The following LAMP3 variants were observed in gnomAD, a reference collection of about 807,000 sequenced individuals.
LAMP3 encodes the protein lysosome associated membrane protein 3.
A neutral mutation model predicts 34.8 loss-of-function variants in LAMP3; 26 were observed. The observed-to-expected ratio is 0.75, with a 90% CI of 0.55 to 1.04. The LOEUF is 1.04. Among genes scored for constraint, LAMP3 ranks in the 50% least tolerant of loss-of-function variants. LAMP3 has a pLI of 0.00. For synonymous variants in LAMP3, 180 were observed against 201.9 expected (o/e 0.89, Z 0.92); for missense variants, 495 against 524.0 (o/e 0.94, Z 0.54).
At chr3:183,139,192 C>A (rs1462919594) in intron 4 of LAMP3, among the ~76,000 whole-genome samples, 2 of 152,078 alleles carry the variant, frequency 1.3e-5, no homozygotes, top group African/African-American at 2.4e-5. Context: ...GTGTTTGAAA[C>A]CAGCCTGACC....
chr3:183,134,469 A>G (rs1442171100), intron 5 of LAMP3, among the ~76,000 whole-genome samples: 1 of 152,210 alleles, frequency 6.6e-6, no homozygotes, highest in Non-Finnish European at 1.5e-5. Context: ...CTGAAGGGGA[A>G]GAAGAGCAAG....
chr3:183,148,180 T>G (rs527469150), intron 3 of LAMP3, among the ~76,000 whole-genome samples: 1 of 152,184 alleles, frequency 6.6e-6, no homozygotes, highest in South Asian at 2.1e-4. Context: ...CAAAATGGAT[T>G]AAGGACTTAA....
At chr3:183,152,149 C>A (rs1236191153) in intron 3 of LAMP3, among the ~76,000 whole-genome samples, 1 of 152,200 alleles carries the variant, frequency 6.6e-6, no homozygotes, top group Non-Finnish European at 1.5e-5. Flanking sequence ...GAGGTCAAGT[C>A]TCCCATAAGA....
At chr3:183,129,948 T>C (rs1485592464) in intron 5 of LAMP3, among the ~76,000 whole-genome samples, 1 of 152,074 alleles carries the variant, frequency 6.6e-6, no homozygotes, top group Non-Finnish European at 1.5e-5. Flanking sequence ...GACATATGGA[T>C]ACAGACAGGT....
intron 1 of LAMP3, among the ~76,000 whole-genome samples, chr3:183,156,579 A>C (rs1329292681): frequency 6.6e-6 from 1 of 152,162 alleles, no homozygotes; most frequent in Non-Finnish European, 1.5e-5. Context: ...CAGTAAAAAT[A>C]ATTCATATAT....
chr3:183,154,247 GC>G lies in LAMP3; in HGVS notation c.193del (p.Ala65GlnfsTer17). On this transcript the variant is annotated frameshift_variant, in exon 2 of 6. Coordinates refer to ENST00000265598, the MANE Select transcript of LAMP3 (RefSeq NM_014398.4). LOFTEE classifies it high-confidence loss of function. ...PAKQAPHQTLAARFMDGHITF... is the reference protein window; with the variant it reads ...PAKQAPHQTLXARFMDGHITF... ...GATATGACCATCCATGAATCTTGCT[GC>G]TAAAGTTTGGTGAGGTGCTTGCTTA... is the stretch of plus-strand genomic sequence containing the variant. 6.2e-7 allele frequency: 1 copy of G among 1,614,166 alleles called. No homozygotes were observed. The highest frequency in any genetic ancestry group is 8.5e-7 in the Non-Finnish European group (1 of 1,180,032).
chr3:183,135,572 TG>T, intron 5 of LAMP3, 144 bp downstream of exon 5: 1 of 786,068 alleles, frequency 1.3e-6, no homozygotes, highest in Non-Finnish European at 2.1e-6. Flanking sequence ...CAGAGGAGCC[TG>T]GCCCTGTGAG....
At position 183,140,599 on chromosome 3, in the gene LAMP3, T is replaced by G; in HGVS notation, c.889-4A>C. 6.3e-7 allele frequency: 1 copy of G among 1,584,746 alleles called. No homozygotes were observed. On this transcript the variant is annotated splice_region_variant and splice_polypyrimidine_tract_variant and intron_variant, in intron 3 of 5. Coordinates refer to ENST00000265598, the MANE Select transcript of LAMP3 (RefSeq NM_014398.4). Reference sequence around the variant, plus strand: ...TGATATAATATGATTCTTCATCCTGTAAAACAGTAGGGTGTTAACCTTTGG... The same window carrying G: ...TGATATAATATGATTCTTCATCCTGGAAAACAGTAGGGTGTTAACCTTTGG...
intron 3 of LAMP3, among the ~76,000 whole-genome samples, chr3:183,146,413 C>T (rs532070031): frequency 6.6e-6 from 1 of 152,224 alleles, no homozygotes; most frequent in African/African-American, 2.4e-5. Context: ...GCTTTCTTAC[C>T]TAAATACACT....
intron 5 of LAMP3, among the ~76,000 whole-genome samples, chr3:183,129,394 A>C (rs1316264449): frequency 1.3e-5 from 2 of 152,044 alleles, no homozygotes; most frequent in South Asian, 4.1e-4. Context: ...TGAGGTCTAT[A>C]CGTCAGAGGC....
At chr3:183,130,851 T>G (rs973266338) in intron 5 of LAMP3, among the ~76,000 whole-genome samples, 1 of 152,104 alleles carries the variant, frequency 6.6e-6, no homozygotes, top group African/African-American at 2.4e-5. Flanking sequence ...CTTTTTTTTT[T>G]CCTCCAGGTT....
intron 3 of LAMP3, among the ~76,000 whole-genome samples, chr3:183,142,124 G>C (rs569352587): frequency 1.3e-5 from 2 of 152,252 alleles, no homozygotes; most frequent in African/African-American, 4.8e-5. Context: ...TCTTTGTGTT[G>C]CTTTAATATA....
chr3:183,132,930 T>C (rs1719970931), intron 5 of LAMP3: 1 of 985,348 alleles, frequency 1.0e-6, no homozygotes, highest in Admixed American at 6.1e-5. Flanking sequence ...ATTTCTCTCC[T>C]GTTTCTGTCA....
chr3:183,155,478 G>A (rs1720797009), intron 1 of LAMP3, among the ~76,000 whole-genome samples: 1 of 152,180 alleles, frequency 6.6e-6, no homozygotes. Flanking sequence ...TTGTGTTCTG[G>A]CTTTCATGGC....
At chr3:183,128,370 T>G (rs767884520) in intron 5 of LAMP3, among the ~76,000 whole-genome samples, 1 of 152,198 alleles carries the variant, frequency 6.6e-6, no homozygotes, top group Admixed American at 6.5e-5. Context: ...TTATGCACTA[T>G]GATTTTTTGA....
intron 4 of LAMP3, among the ~76,000 whole-genome samples, chr3:183,136,653 G>GGAA (rs368099425): frequency 6.0e-5 from 6 of 100,608 alleles, no homozygotes; most frequent in African/African-American, 1.6e-4. Context: ...CTCCGTTTCA[G>GGAA]AAAAAAAAAA....
At chr3:183,159,350 G>A (rs913699376) in intron 1 of LAMP3, among the ~76,000 whole-genome samples, 2 of 152,214 alleles carry the variant, frequency 1.3e-5, no homozygotes, top group East Asian at 1.9e-4. Context: ...AGTCTTGTAT[G>A]TCTGGAGAAC....
chr3:183,135,731 T>C lies in LAMP3; in HGVS notation c.1103A>G (p.Asp368Gly), dbSNP rs1430193957. ...CCTTAACTTACCATTTCCAAAGTGG[T>C]CATCTTCAAAATCAAAGGCTTGAAG... ...VQLQAFDFED[D>G]HFGNVDECSS... is the part of the protein sequence containing the mutation. The change falls in exon 5 of 6, where the codon GAC becomes GGC. Residue 368 changes from aspartate to glycine, a missense_variant. Transcript: ENST00000265598. 1 of 1,614,050 alleles carries C rather than the reference T, an allele frequency of 6.2e-7. No homozygotes were observed. Among genetic ancestry groups the C allele is most frequent in the Non-Finnish European group, 8.5e-7 (1 of 1,180,010 alleles).
chr3:183,148,281 G>A (rs778311827), intron 3 of LAMP3, among the ~76,000 whole-genome samples: 67 of 152,082 alleles, frequency 4.4e-4, no homozygotes, highest in African/African-American at 1.5e-3. Flanking sequence ...TGAGTAATAC[G>A]CCAAACCACA....
Sources: allele counts gnomAD v4.1 joint callset (sites outside exome capture counted in the v4.1 genomes callset), GRCh38; gene constraint gnomAD v4.1.1; transcripts MANE v1.5; gene names NCBI Gene and HGNC (gene_info 2026-07-23, HGNC 2026-07-21).